Variants in AOPEP observed in about 807,000 individuals in gnomAD.
AOPEP encodes the protein aminopeptidase O.
In AOPEP, 77 loss-of-function variants were observed where a neutral mutation model predicts 98.1. The ratio of observed to expected loss-of-function variants is 0.78; its 90% CI spans 0.65 to 0.95. The LOEUF (loss-of-function observed/expected upper bound fraction) is 0.95, where lower values mean the gene tolerates loss of function less well. AOPEP is among the 40% of genes least tolerant of loss of function. AOPEP has a pLI of 0.00. For missense variants in AOPEP, 1,024 were observed against 1,024.7 expected, an observed-to-expected ratio of 1.00 and a Z score of 0.01; for synonymous variants, 346 against 365.3, an observed-to-expected ratio of 0.95 and a Z score of 0.60.
chr9:94,926,763 G>A (rs4744411), intron 6 of AOPEP, among the ~76,000 whole-genome samples: 51,475 of 148,992 alleles, frequency 0.35, 9,593 homozygotes, highest in Non-Finnish European at 0.43. Flanking sequence ...GGGAGACTGT[G>A]CTCTGCAGCA....
the AOPEP span, among the ~76,000 whole-genome samples, chr9:95,097,851 G>A: frequency 1.3e-5 from 2 of 152,168 alleles, no homozygotes; most frequent in South Asian, 4.1e-4. Context: ...GACATGTTAT[G>A]TACTTACTGT....
chr9:95,012,912 T>C (rs1589260864), intron 13 of AOPEP, among the ~76,000 whole-genome samples: 1 of 150,066 alleles, frequency 6.7e-6, no homozygotes, highest in South Asian at 2.1e-4. Context: ...CAGGTTTTTA[T>C]TTATTTTGTT....
the AOPEP span, among the ~76,000 whole-genome samples, chr9:95,121,475 C>A: frequency 6.6e-6 from 1 of 152,206 alleles, no homozygotes; most frequent in Non-Finnish European, 1.5e-5. Context: ...CTGGCAGGAT[C>A]TATGAAAGTT....
intron 7 of AOPEP, among the ~76,000 whole-genome samples, chr9:94,942,789 A>G (rs1336177087): frequency 1.3e-5 from 2 of 152,090 alleles, no homozygotes; most frequent in African/African-American, 2.4e-5. Flanking sequence ...GAATAATCTG[A>G]AAGTTAAATT....
At chr9:95,084,437 G>A (rs1015771896) in intron 16 of AOPEP, among the ~76,000 whole-genome samples, 3 of 152,208 alleles carry the variant, frequency 2.0e-5, no homozygotes, top group Admixed American at 6.5e-5. Context: ...GACTTGACGC[G>A]GCTCCCCTCC....
chr9:94,800,515 ACTG>A (rs1257905807), intron 4 of AOPEP, among the ~76,000 whole-genome samples: 1 of 152,216 alleles, frequency 6.6e-6, no homozygotes, highest in African/African-American at 2.4e-5. Flanking sequence ...ACAAGATTTT[ACTG>A]CTTTCTCTTA....
At chr9:94,832,509 A>T (rs913922170) in intron 5 of AOPEP, among the ~76,000 whole-genome samples, 3 of 152,162 alleles carry the variant, frequency 2.0e-5, no homozygotes, top group African/African-American at 7.2e-5. Context: ...ATAGACTTTG[A>T]CTCCAAATCT....
At chr9:94,821,429 T>A (rs1349404384) in intron 5 of AOPEP, among the ~76,000 whole-genome samples, 1 of 152,196 alleles carries the variant, frequency 6.6e-6, no homozygotes, top group Non-Finnish European at 1.5e-5. Flanking sequence ...AATGGAAGGA[T>A]GTTGAGAAGA....
intron 7 of AOPEP, among the ~76,000 whole-genome samples, chr9:94,936,541 C>A (rs1166863080): frequency 5.9e-5 from 9 of 152,196 alleles, no homozygotes; most frequent in African/African-American, 2.2e-4. Context: ...CATCTGCTCT[C>A]ACTCCACAAC....
At chr9:95,096,383 C>T in the AOPEP span, among the ~76,000 whole-genome samples, 5 of 152,182 alleles carry the variant, frequency 3.3e-5, no homozygotes, top group Admixed American at 3.3e-4. Context: ...AGAACTCGCC[C>T]TGAGTCCCTG....
chr9:94,762,889 T>C (rs1266613844), intron 2 of AOPEP, among the ~76,000 whole-genome samples: 1 of 152,220 alleles, frequency 6.6e-6, no homozygotes, highest in African/African-American at 2.4e-5. Flanking sequence ...TATAAATGAA[T>C]AGTAATTATC....
At chr9:94,813,110 T>A (rs1334919097) in intron 5 of AOPEP, among the ~76,000 whole-genome samples, 7 of 152,170 alleles carry the variant, frequency 4.6e-5, no homozygotes, top group Non-Finnish European at 1.0e-4. Flanking sequence ...TGATTGGCTA[T>A]ACGTTGTTAA....
At chr9:95,101,115 A>T in the AOPEP span, 1 of 240,788 alleles carries the variant, frequency 4.2e-6, no homozygotes, top group Non-Finnish European at 8.2e-6. Flanking sequence ...GAGTGGAAAG[A>T]GTGTGCCGGA....
intron 5 of AOPEP, among the ~76,000 whole-genome samples, chr9:94,893,706 C>T (rs904677393): frequency 6.6e-6 from 1 of 152,134 alleles, no homozygotes; most frequent in Non-Finnish European, 1.5e-5. Context: ...TACTGAACAA[C>T]AGCTATGTAC....
At chr9:94,914,904 T>C (rs1466848577) in intron 5 of AOPEP, among the ~76,000 whole-genome samples, 1 of 152,216 alleles carries the variant, frequency 6.6e-6, no homozygotes, top group Non-Finnish European at 1.5e-5. Flanking sequence ...GGCTGCCAGC[T>C]TTTAGCAAAT....
chr9:94,952,985 C>T (rs2058211122), intron 7 of AOPEP, among the ~76,000 whole-genome samples: 1 of 152,230 alleles, frequency 6.6e-6, no homozygotes, highest in Non-Finnish European at 1.5e-5. Flanking sequence ...AGCCAGCCTT[C>T]TGAGCAGAGA....
chr9:95,086,514 C>T lies in AOPEP; in HGVS notation c.*5-168C>T, dbSNP rs60235975. The T allele has an allele frequency of 2.2e-4, 218 of 985,414 alleles. 1 individual carries two copies. In the African/African-American group the frequency reaches 3.5e-3, roughly 16 times the overall value. The allele number at this position is 985,414 out of a possible 1,614,324, so 61.0% of individuals were successfully genotyped here. On this transcript the variant is annotated intron_variant, in intron 16 of 16. Coordinates refer to ENST00000375315, the MANE Select transcript of AOPEP (RefSeq NM_001193329.3). ...CACGTGTGAGCAGGCCAGCGTCACA[C>T]GGCTCGCTGTGACCCGTCCCGGAGA...
chr9:94,895,407 C>G (rs1402425592), intron 5 of AOPEP, among the ~76,000 whole-genome samples: 1 of 39,810 alleles, frequency 2.5e-5, no homozygotes, highest in East Asian at 7.3e-4. Flanking sequence ...CTCACACACA[C>G]AAAAAGGAAA....
intron 5 of AOPEP, among the ~76,000 whole-genome samples, chr9:94,895,825 A>T (rs945276767): frequency 6.6e-6 from 1 of 152,166 alleles, no homozygotes; most frequent in African/African-American, 2.4e-5. Context: ...AAGTGCTGAG[A>T]TTACAGATGT....
Sources: allele counts gnomAD v4.1 joint callset (sites outside exome capture counted in the v4.1 genomes callset), GRCh38; gene constraint gnomAD v4.1.1; transcripts MANE v1.5; gene names NCBI Gene and HGNC (gene_info 2026-07-23, HGNC 2026-07-21).